The following PDZRN4 variants were observed in gnomAD, a reference collection of about 807,000 sequenced individuals.
PDZRN4 encodes the protein PDZ domain-containing RING finger protein 4.
In PDZRN4, 70 loss-of-function variants were observed where a neutral mutation model predicts 99.0. The ratio of observed to expected loss-of-function variants is 0.71; its 90% CI spans 0.58 to 0.86. The LOEUF (loss-of-function observed/expected upper bound fraction) is 0.86. Ranked by LOEUF, PDZRN4 falls within the 40% of genes least tolerant of loss-of-function variation. The pLI is 0.00. For missense variants in PDZRN4, 1,474 were observed against 1,331.2 expected (o/e 1.11, Z -1.67); for synonymous variants, 551 against 501.6 (o/e 1.10, Z -1.32).
intron 3 of PDZRN4, among the ~76,000 whole-genome samples, chr12:41,334,834 T>A (rs1951762856): frequency 6.6e-6 from 1 of 152,154 alleles, no homozygotes; most frequent in Non-Finnish European, 1.5e-5. Flanking sequence ...TTTGTCAGCA[T>A]CCCTAATAGA....
intron 3 of PDZRN4, among the ~76,000 whole-genome samples, chr12:41,348,196 C>T (rs1265556243): frequency 2.0e-5 from 3 of 152,054 alleles, no homozygotes; most frequent in African/African-American, 7.2e-5. Context: ...ACTAGTACCA[C>T]TTGTATTTAG....
At chr12:41,534,139 T>G (rs1375999172) in intron 5 of PDZRN4, among the ~76,000 whole-genome samples, 2 of 152,204 alleles carry the variant, frequency 1.3e-5, no homozygotes, top group African/African-American at 2.4e-5. Context: ...CCTTCTGGCA[T>G]TATTTTAACT....
chr12:41,500,274 G>T lies in PDZRN4; in HGVS notation c.844-6182G>T, dbSNP rs543243540. Among the ~76,000 whole-genome samples, 10 of 152,074 alleles carry T rather than the reference G, an allele frequency of 6.6e-5. No homozygotes were observed. In the East Asian group the frequency reaches 1.9e-3, roughly 30 times the overall value. On this transcript the variant is annotated intron_variant, in intron 3 of 9. Transcript: ENST00000402685. ...CCAGCTGCCTGGCAAAGTCCCTGGG[G>T]ATTTTGGAGCTAAGGGAAGCTGCAA...
rs528946145 is a variant in PDZRN4 at position 41,383,102 on chromosome 12, A to C, written c.844-123354A>C. Among the ~76,000 whole-genome samples the C allele has an allele frequency of 3.9e-5, 6 of 152,318 alleles. No individual in the cohort carries two copies. In the East Asian group the frequency reaches 7.7e-4, roughly 20 times the overall value. On this transcript the variant is annotated intron_variant, in intron 3 of 9. Transcript: ENST00000402685. ...TGAGCCTCAGATATGACTGTTCAAC[A>C]CCTGATTATGCTTCTAGGTCCTCAG...
intron 3 of PDZRN4, among the ~76,000 whole-genome samples, chr12:41,306,845 C>G (rs1951573755): frequency 6.6e-6 from 1 of 152,154 alleles, no homozygotes; most frequent in Admixed American, 6.5e-5. Context: ...TGAGGATCAC[C>G]TTTTCTTCAT....
At chr12:41,500,031 A>T (rs1324343351) in intron 3 of PDZRN4, among the ~76,000 whole-genome samples, 6 of 152,058 alleles carry the variant, frequency 3.9e-5, no homozygotes, top group Admixed American at 1.3e-4. Flanking sequence ...AGGTTAGGCA[A>T]CAGTCTTTAT....
At position 41,557,699 on chromosome 12, in the gene PDZRN4, G is replaced by A. The variant is rs17129474; in HGVS notation, c.1365+1939G>A. On this transcript the variant is annotated intron_variant, in intron 7 of 9. Transcript: ENST00000402685. ...CAGAGCTCCTTTTTTTTTTTTAACC[G>A]TGGACCTTCTGTTAAGGCTCCAAAC... Among the ~76,000 whole-genome samples the A allele has an allele frequency of 7.3e-3, 1,100 of 150,296 alleles. 12 individuals are homozygous for A. The highest frequency in any genetic ancestry group is 0.026 in the African/African-American group (1,049 of 40,866).
rs374666628 is a variant in PDZRN4 at position 41,446,897 on chromosome 12, A to C, written c.844-59559A>C. On this transcript the variant is annotated intron_variant, in intron 3 of 9. Transcript: ENST00000402685. ...TCAGCATAATCATTGCATACCATTT[A>C]GTCAAAGGTAATGTGTTTGATGTCC... Among the ~76,000 whole-genome samples the C allele has an allele frequency of 1.8e-3, 270 of 146,454 alleles. 1 individual carries two copies. The highest frequency in any genetic ancestry group is 6.0e-3 in the African/African-American group (236 of 39,556).
chr12:41,317,056 A>ATATATATATATATATT (rs1951643521), intron 3 of PDZRN4, among the ~76,000 whole-genome samples: 1 of 138,498 alleles, frequency 7.2e-6, no homozygotes, highest in Admixed American at 7.3e-5. Flanking sequence ...AAGTATATAT[A>ATATATATATATATATT]TATATATATA....
chr12:41,375,239 A>G (rs1307200852), intron 3 of PDZRN4, among the ~76,000 whole-genome samples: 1 of 152,214 alleles, frequency 6.6e-6, no homozygotes, highest in African/African-American at 2.4e-5. Flanking sequence ...CTCAGAAACT[A>G]TACAAGATAG....
At chr12:41,366,440 T>C (rs1167493841) in intron 3 of PDZRN4, among the ~76,000 whole-genome samples, 1 of 152,108 alleles carries the variant, frequency 6.6e-6, no homozygotes, top group Non-Finnish European at 1.5e-5. Context: ...CATCTAAATA[T>C]AAGGTTGAGC....
At chr12:41,448,217 C>G (rs1003768957) in intron 3 of PDZRN4, among the ~76,000 whole-genome samples, 3 of 152,124 alleles carry the variant, frequency 2.0e-5, no homozygotes, top group Non-Finnish European at 4.4e-5. Context: ...CTCATTCTCT[C>G]CTAACAGCTA....
intron 3 of PDZRN4, among the ~76,000 whole-genome samples, chr12:41,428,691 GA>G (rs1351422042): frequency 6.6e-6 from 1 of 152,170 alleles, no homozygotes; most frequent in African/African-American, 2.4e-5. Flanking sequence ...TGCGACCAGG[GA>G]ATCAGGGGCA....
chr12:41,470,577 T>C (rs1952978149), intron 3 of PDZRN4, among the ~76,000 whole-genome samples: 1 of 152,180 alleles, frequency 6.6e-6, no homozygotes, highest in Admixed American at 6.5e-5. Context: ...TGTATACATG[T>C]GCCATGTTGG....
chr12:41,242,998 A>G (rs182253342), intron 3 of PDZRN4, among the ~76,000 whole-genome samples: 6 of 152,246 alleles, frequency 3.9e-5, no homozygotes, highest in Admixed American at 2.0e-4. Context: ...TGCTTTCATC[A>G]TATCTGATTC....
intron 3 of PDZRN4, among the ~76,000 whole-genome samples, chr12:41,380,769 C>T (rs559220985): frequency 3.9e-5 from 6 of 152,148 alleles, no homozygotes; most frequent in African/African-American, 1.2e-4. Flanking sequence ...TTATGTATCA[C>T]CATTACAGTA....
chr12:41,267,972 G>C (rs1951290082), intron 3 of PDZRN4, among the ~76,000 whole-genome samples: 1 of 152,162 alleles, frequency 6.6e-6, no homozygotes, highest in South Asian at 2.1e-4. Context: ...TGCTTCCATG[G>C]TGGCCCAGGG....
At chr12:41,378,960 T>C (rs747088931) in intron 3 of PDZRN4, among the ~76,000 whole-genome samples, 22 of 152,306 alleles carry the variant, frequency 1.4e-4, no homozygotes, top group East Asian at 1.9e-4. Flanking sequence ...TTCACATGTG[T>C]AGTAATCTAT....
intron 3 of PDZRN4, among the ~76,000 whole-genome samples, chr12:41,469,572 T>C (rs17129383): frequency 0.023 from 3,457 of 152,282 alleles, 133 homozygotes; most frequent in African/African-American, 0.08. Flanking sequence ...TTAATCAATG[T>C]AGTTCTGTTT....
Sources: allele counts gnomAD v4.1 joint callset (sites outside exome capture counted in the v4.1 genomes callset), GRCh38; gene constraint gnomAD v4.1.1; transcripts MANE v1.5; gene names NCBI Gene and HGNC (gene_info 2026-07-23, HGNC 2026-07-21).